The following PLOD1 variants were observed in gnomAD, a reference collection of about 807,000 sequenced individuals.
PLOD1 encodes the protein procollagen-lysine,2-oxoglutarate 5-dioxygenase 1, also known as lysine hydroxylase.
PLOD1 carries 70 observed loss-of-function variants against 94.7 expected under a neutral mutation model. The observed-to-expected ratio is 0.74, with a 90% CI of 0.61 to 0.90. PLOD1 has a LOEUF of 0.90. Ranked by LOEUF, PLOD1 falls within the 40% of genes least tolerant of loss-of-function variation. PLOD1 has a pLI of 0.00. For synonymous variants in PLOD1, 417 were observed against 400.2 expected (o/e 1.04, Z -0.50); for missense variants, 905 against 972.7 (o/e 0.93, Z 0.93).
In PLOD1 at chr1:11,935,628, CT is replaced by C. The variant is rs756545321; in HGVS notation, c.76+787del. Among the ~76,000 whole-genome samples, 184 of 140,358 alleles carry C rather than the reference CT, an allele frequency of 1.3e-3. 1 individual carries two copies. Among genetic ancestry groups the C allele is most frequent in the Middle Eastern group, 3.7e-3 (1 of 270 alleles). The allele number at this position is 140,358 out of a possible 152,430, so 92.1% of individuals were successfully genotyped here. A position where few individuals can be genotyped will look rare whatever the true frequency, so the allele number is the denominator to read the frequency against. ...CTCTGCCTCCCAGGTAAAAGCAATT[CT>C]TTTTTTTTTTTTTGAGATGGAGTCT... On this transcript the variant is annotated intron_variant, in intron 1 of 18. Transcript: ENST00000196061.
chr1:11,947,244 A>C (rs530386004), intron 1 of PLOD1, among the ~76,000 whole-genome samples: 30 of 145,182 alleles, frequency 2.1e-4, no homozygotes, highest in Admixed American at 1.0e-3. Flanking sequence ...CTCAAAAAAA[A>C]AAAAACAAAA....
chr1:11,965,667 C>A, intron 14 of PLOD1, 74 bp downstream of exon 14: 1 of 920,388 alleles, frequency 1.1e-6, no homozygotes, highest in Non-Finnish European at 1.8e-6. Context: ...GGACTTCCCT[C>A]TCAGAGTCTT....
In PLOD1 at chr1:11,972,760, G is replaced by A; in HGVS notation, c.1903-112G>A. 1.6e-6 allele frequency: 2 copies of A among 1,232,320 alleles called. No individual in the cohort carries two copies. Among genetic ancestry groups the A allele is most frequent in the Non-Finnish European group, 2.4e-6 (2 of 836,146 alleles). 76.3% of individuals were successfully genotyped at this position (1,232,320 alleles called of 1,614,324 possible). A position where few individuals can be genotyped will look rare whatever the true frequency, so the allele number is the denominator to read the frequency against. On this transcript the variant is annotated intron_variant, in intron 17 of 18. Coordinates refer to ENST00000196061, the MANE Select transcript of PLOD1 (RefSeq NM_000302.4). This position sits in a 1 kb window ranked among gnomAD's most constrained non-coding sequence, Gnocchi z 4.6. The stretch of plus-strand genomic sequence containing the variant: ...AGAGCCCCATGTAGACCTGGCCCCT[G>A]TAAGCTGACCTGCAGCAGGCCAGAC...
rs1320997715 is a variant in PLOD1 at position 11,970,771 on chromosome 1, C to T, written c.1857C>T (p.Tyr619=). The T allele has an allele frequency of 6.2e-7, 1 of 1,611,098 alleles. No homozygotes were observed. Among genetic ancestry groups the T allele is most frequent in the Admixed American group, 1.7e-5 (1 of 59,642 alleles). ...AGTGGCACAAATTCCTGCTGGAGTA[C>T]ATTGCGCCCATGACGGAGAAGCTCT... ...EREWHKFLLE[Y]IAPMTEKLYP... The change falls in exon 17 of 19, where the codon TAC becomes TAT. Residue 619 remains tyrosine, a synonymous_variant. Coordinates refer to ENST00000196061, the MANE Select transcript of PLOD1 (RefSeq NM_000302.4).
chr1:11,963,721 T>A lies in PLOD1; in HGVS notation c.1202+85T>A. The A allele has an allele frequency of 1.3e-6, 1 of 787,348 alleles. No homozygotes were observed. 48.8% of individuals were successfully genotyped at this position (787,348 alleles called of 1,614,324 possible). On this transcript the variant is annotated intron_variant, in intron 11 of 18. Coordinates refer to ENST00000196061, the MANE Select transcript of PLOD1 (RefSeq NM_000302.4). The surrounding 1 kb of genome is among the most constrained non-coding windows in gnomAD (Gnocchi z 4.3). ...GCCCTCCTTGCCTTCCTCCTCCTCCTCCTCATCCACCTCCTCTTCCTCCTC... is the reference window on the plus strand; with the variant it reads ...GCCCTCCTTGCCTTCCTCCTCCTCCACCTCATCCACCTCCTCTTCCTCCTC...
chr1:11,941,565 C>T (rs1040289068), intron 1 of PLOD1, among the ~76,000 whole-genome samples: 1 of 152,096 alleles, frequency 6.6e-6, no homozygotes, highest in African/African-American at 2.4e-5. Flanking sequence ...ATTGCAACCT[C>T]TGCCTCCTGG....
intron 1 of PLOD1, among the ~76,000 whole-genome samples, chr1:11,942,136 C>T (rs536984121): frequency 6.6e-6 from 1 of 151,952 alleles, no homozygotes. Flanking sequence ...GCTCTTGCCA[C>T]CACGTCTAGC....
chr1:11,940,969 C>T (rs1010734800), intron 1 of PLOD1, among the ~76,000 whole-genome samples: 3 of 152,146 alleles, frequency 2.0e-5, no homozygotes, highest in African/African-American at 7.2e-5. Context: ...ATGTTGGGCT[C>T]TTGGACAGGG....
chr1:11,960,855 G>T, intron 10 of PLOD1, 88 bp downstream of exon 10: 1 of 1,584,748 alleles, frequency 6.3e-7, no homozygotes, highest in Admixed American at 1.7e-5. Context: ...AGTGACAGGA[G>T]TTCAGAAGGC....
chr1:11,953,791 T>G (rs1645719518), intron 5 of PLOD1, among the ~76,000 whole-genome samples: 1 of 150,148 alleles, frequency 6.7e-6, no homozygotes, highest in African/African-American at 2.4e-5. Flanking sequence ...AGACTCCATC[T>G]CAAAAAAAAA....
Position 11,972,634 on chromosome 1 carries a change from C to A in PLOD1, c.1903-238C>A. 1 of 414,784 alleles carries A rather than the reference C, an allele frequency of 2.4e-6. No homozygotes were observed. The highest frequency in any genetic ancestry group is 4.5e-6 in the Non-Finnish European group (1 of 221,260). The allele number at this position is 414,784 out of a possible 1,614,324, so 25.7% of individuals were successfully genotyped here. A position where few individuals can be genotyped will look rare whatever the true frequency, so the allele number is the denominator to read the frequency against. Reference sequence around the variant, plus strand: ...TCCTCCCTCCCTCCCTTCCTTTCTTCCTTCCCCTCTGTTCTCTTCCTTCCC... The same window carrying A: ...TCCTCCCTCCCTCCCTTCCTTTCTTACTTCCCCTCTGTTCTCTTCCTTCCC... On this transcript the variant is annotated intron_variant, in intron 17 of 18. Coordinates refer to ENST00000196061, the MANE Select transcript of PLOD1 (RefSeq NM_000302.4). This position sits in a 1 kb window ranked among gnomAD's most constrained non-coding sequence, Gnocchi z 4.6.
In PLOD1 at chr1:11,934,730, C is replaced by G. The variant is rs555643065; in HGVS notation, c.-50C>G. On this transcript the variant is annotated 5_prime_UTR_variant, in exon 1 of 19. Transcript: ENST00000196061. The stretch of plus-strand genomic sequence containing the variant: ...ACCTGCGGCCCCGTCGCGAAGTTTC[C>G]AGCCCTGCGAGCGCCGCCGGGTCGG... 3.3e-6 allele frequency: 5 copies of G among 1,515,836 alleles called. No individual in the cohort carries two copies. The South Asian group carries it at 6.1e-5, about 19-fold the overall frequency. The allele number at this position is 1,515,836 out of a possible 1,614,324, so 93.9% of individuals were successfully genotyped here.
In PLOD1 at chr1:11,958,623, C is replaced by T. The variant is rs770032875; in HGVS notation, c.951C>T (p.His317=). 110 of 1,614,074 alleles carry T rather than the reference C, an allele frequency of 6.8e-5. 1 individual carries two copies. Among genetic ancestry groups the T allele is most frequent in the Non-Finnish European group, 9.2e-5 (108 of 1,180,050 alleles). The part of the protein sequence containing the change: ...RLLRLHYPQK[H]MRLFIHNHEQ... ...TGCGGCTCCACTACCCCCAGAAACACATGCGACTTTTCATCCACAACCACG... is the reference window on the plus strand; with the variant it reads ...TGCGGCTCCACTACCCCCAGAAACATATGCGACTTTTCATCCACAACCACG... The change falls in exon 9 of 19, where the codon CAC becomes CAT. Residue 317 remains histidine, a synonymous_variant. Transcript: ENST00000196061. The surrounding 1 kb of genome is among the most constrained non-coding windows in gnomAD (Gnocchi z 4.3).
chr1:11,950,274 A>G (rs1348451148), intron 3 of PLOD1, 83 bp from the exon 4 acceptor site: 20 of 1,365,822 alleles, frequency 1.5e-5, no homozygotes, highest in Non-Finnish European at 2.1e-5. Flanking sequence ...GGAGCACTTG[A>G]TCCCTGGTCC....
intron 5 of PLOD1, among the ~76,000 whole-genome samples, chr1:11,953,671 A>T (rs780438602): frequency 8.6e-5 from 13 of 151,594 alleles, no homozygotes; most frequent in Non-Finnish European, 1.5e-4. Context: ...GGGTGCCTGT[A>T]ATCCCAGCTA....
chr1:11,936,172 G>A (rs987344112), intron 1 of PLOD1, among the ~76,000 whole-genome samples: 1 of 152,042 alleles, frequency 6.6e-6, no homozygotes, highest in Non-Finnish European at 1.5e-5. Context: ...CCAGACAGGT[G>A]AAGTGACTGT....
chr1:11,972,814 T>G lies in PLOD1; in HGVS notation c.1903-58T>G. ...GCCCCATGTGTGCACCCTCCTCTCC[T>G]GGCCTTTGTGTCCTCCTTAACTAAC... On this transcript the variant is annotated intron_variant, in intron 17 of 18. Coordinates refer to ENST00000196061, the MANE Select transcript of PLOD1 (RefSeq NM_000302.4). The surrounding 1 kb of genome is among the most constrained non-coding windows in gnomAD (Gnocchi z 4.6). 6.2e-7 allele frequency: 1 copy of G among 1,608,272 alleles called. No individual in the cohort carries two copies.
At chr1:11,968,520 T>G (rs1390853523) in intron 16 of PLOD1, among the ~76,000 whole-genome samples, 4 of 146,422 alleles carry the variant, frequency 2.7e-5, no homozygotes, top group Non-Finnish European at 6.1e-5. Context: ...TCTTTTTTCT[T>G]TTTTTTTTTT....
chr1:11,937,843 C>T (rs1057118905), intron 1 of PLOD1, among the ~76,000 whole-genome samples: 1 of 151,910 alleles, frequency 6.6e-6, no homozygotes, highest in African/African-American at 2.4e-5. Flanking sequence ...AGCAGATCCC[C>T]AGGCCTGGGG....
Sources: allele counts gnomAD v4.1 joint callset (sites outside exome capture counted in the v4.1 genomes callset), GRCh38; gene constraint gnomAD v4.1.1; non-coding constraint Gnocchi (gnomAD v3.1); transcripts MANE v1.5; gene names NCBI Gene and HGNC (gene_info 2026-07-23, HGNC 2026-07-21).